ERBIN: variants seen among roughly 807,000 people sequenced by gnomAD.
ERBIN encodes densin-180-like protein.
ERBIN carries 60 observed loss-of-function variants against 158.4 expected under a neutral mutation model. That is an observed-to-expected ratio of 0.38 (90% CI 0.31 to 0.47). The LOEUF is 0.47. Ranked by LOEUF, ERBIN falls within the 20% of genes least tolerant of loss-of-function variation. The pLI is 0.99. For synonymous variants in ERBIN, 594 were observed against 557.2 expected, an observed-to-expected ratio of 1.07 and a Z score of -0.93; for missense variants, 1,610 against 1,648.0, an observed-to-expected ratio of 0.98 and a Z score of 0.40.
chr5:66,014,932 A>T (rs1754557631), intron 7 of ERBIN, among the ~76,000 whole-genome samples: 1 of 152,164 alleles, frequency 6.6e-6, no homozygotes, highest in Non-Finnish European at 1.5e-5. Flanking sequence ...GTTGGTAATG[A>T]TTTATAGCTG....
chr5:66,044,395 A>G, intron 17 of ERBIN, 85 bp downstream of exon 17: 1 of 1,233,706 alleles, frequency 8.1e-7, no homozygotes, highest in South Asian at 1.5e-5. Flanking sequence ...CTTTTCATGT[A>G]CTCTGAATGT....
chr5:65,934,314 C>A (rs1290521484), intron 1 of ERBIN, among the ~76,000 whole-genome samples: 1 of 152,202 alleles, frequency 6.6e-6, no homozygotes, highest in African/African-American at 2.4e-5. Flanking sequence ...AACATCTGAA[C>A]CTCAATTATC....
intron 4 of ERBIN, 134 bp downstream of exon 4, chr5:65,994,998 T>G (rs1752265125): frequency 1.6e-6 from 1 of 608,578 alleles, no homozygotes; most frequent in South Asian, 2.1e-5. Flanking sequence ...CATCTAAGAA[T>G]GTTTTATGTA....
chr5:66,040,542 A>G (rs1757822369), intron 15 of ERBIN, among the ~76,000 whole-genome samples: 1 of 152,046 alleles, frequency 6.6e-6, no homozygotes, highest in African/African-American at 2.4e-5. Context: ...ATTCTGGGTC[A>G]TCTTAGAGTT....
chr5:66,051,441 A>G (rs923264412), intron 20 of ERBIN, among the ~76,000 whole-genome samples: 5 of 152,218 alleles, frequency 3.3e-5, no homozygotes, highest in Non-Finnish European at 7.3e-5. Flanking sequence ...GCTGAAGTCT[A>G]AAACACATTT....
chr5:66,067,095 G>GT (rs898426398), intron 21 of ERBIN, among the ~76,000 whole-genome samples: 45 of 151,410 alleles, frequency 3.0e-4, no homozygotes, highest in East Asian at 9.7e-4. Flanking sequence ...TGATTTCTTT[G>GT]TTTTTTTTTA....
chr5:66,061,543 A>G (rs980027824), intron 21 of ERBIN, among the ~76,000 whole-genome samples: 73 of 152,160 alleles, frequency 4.8e-4, no homozygotes, highest in African/African-American at 1.7e-3. Flanking sequence ...GCCCATTTAC[A>G]TTTAAGGTTA....
intron 7 of ERBIN, among the ~76,000 whole-genome samples, chr5:66,018,327 T>C (rs1369600329): frequency 7.0e-6 from 1 of 143,642 alleles, no homozygotes; most frequent in Non-Finnish European, 1.5e-5. Context: ...TTTTGTGTCC[T>C]CTTTAATTTC....
At chr5:66,009,433 TG>T (rs1366469307) in intron 4 of ERBIN, among the ~76,000 whole-genome samples, 23 of 152,238 alleles carry the variant, frequency 1.5e-4, no homozygotes, top group Admixed American at 1.5e-3. Context: ...TACAATGTGC[TG>T]AATAGTAACA....
chr5:65,983,037 T>G (rs1049935956), intron 1 of ERBIN, among the ~76,000 whole-genome samples: 1 of 152,216 alleles, frequency 6.6e-6, no homozygotes, highest in Non-Finnish European at 1.5e-5. Flanking sequence ...ATGTAAATTG[T>G]ATCTAAAAAT....
chr5:66,064,312 A>G (rs1580519727), intron 21 of ERBIN, among the ~76,000 whole-genome samples: 1 of 152,246 alleles, frequency 6.6e-6, no homozygotes. Context: ...AGAACATTTG[A>G]TAATAAAGTA....
At chr5:65,966,842 G>A (rs1212953224) in intron 1 of ERBIN, among the ~76,000 whole-genome samples, 1 of 152,090 alleles carries the variant, frequency 6.6e-6, no homozygotes, top group Non-Finnish European at 1.5e-5. Context: ...ATATGGAGGT[G>A]GAAGACGGAT....
At chr5:65,932,048 C>T (rs929971872) in intron 1 of ERBIN, among the ~76,000 whole-genome samples, 4 of 152,078 alleles carry the variant, frequency 2.6e-5, no homozygotes, top group Non-Finnish European at 5.9e-5. Flanking sequence ...GAACTCCTGA[C>T]CTCAGGTGAT....
At chr5:65,977,139 C>CG (rs1422756833) in intron 1 of ERBIN, among the ~76,000 whole-genome samples, 4 of 141,638 alleles carry the variant, frequency 2.8e-5, no homozygotes, top group Admixed American at 7.0e-5. Context: ...GCTGGCCGGG[C>CG]GGGGGGCTGA....
At chr5:66,003,679 A>T (rs1561359216) in intron 4 of ERBIN, among the ~76,000 whole-genome samples, 1 of 152,082 alleles carries the variant, frequency 6.6e-6, no homozygotes, top group African/African-American at 2.4e-5. Flanking sequence ...TGTGATATTG[A>T]TGTTCTGTGA....
At chr5:65,987,750 C>T (rs1478354439) in intron 1 of ERBIN, among the ~76,000 whole-genome samples, 1 of 150,834 alleles carries the variant, frequency 6.6e-6, no homozygotes, top group Non-Finnish European at 1.5e-5. Context: ...CAGGCTGAGG[C>T]AGGAGAATCG....
rs1755665826 is a variant in ERBIN at position 66,021,377 on chromosome 5, A to G, written c.589A>G (p.Thr197Ala). The G allele has an allele frequency of 1.2e-6, 2 of 1,600,650 alleles. No individual in the cohort carries two copies. The highest frequency in any genetic ancestry group is 1.7e-6 in the Non-Finnish European group (2 of 1,170,488). ...ERLDLGSNEF[T>A]EVPEVLEQLS... is the part of the protein sequence containing the mutation. The stretch of plus-strand genomic sequence containing the variant: ...ACTGGATTTGGGAAGTAACGAATTC[A>G]CGGAAGTGGTAAGTTCTCATCAGTC... Residue 197 changes from threonine to alanine, a missense_variant, in exon 8 of 26, where the codon ACG becomes GCG. Thr to Ala is a moderately conservative substitution (Grantham distance 58). This residue lies in a region of ERBIN where 596 missense variants were observed against 711.9 expected (regional missense o/e 0.84). Transcript: ENST00000284037.
At position 66,054,090 on chromosome 5, in the gene ERBIN, G is replaced by C; in HGVS notation, c.2772G>C (p.Leu924Phe). The change falls in exon 21 of 26, where the codon TTG becomes TTC. Residue 924 changes from leucine (L) to phenylalanine (F), a missense_variant. Physicochemically the swap from Leu to Phe is conservative, Grantham distance 22 (BLOSUM62 0). Coordinates refer to ENST00000284037, the MANE Select transcript of ERBIN (RefSeq NM_001253697.2). Reference protein sequence around the residue: ...KSATLLYDQPLQVFTGSSSSS... With the variant: ...KSATLLYDQPFQVFTGSSSSS... Reference sequence around the variant, plus strand: ...CCACACTGTTGTATGATCAACCATTGCAGGTATTTACTGGTTCTTCCTCAT... The same window carrying C: ...CCACACTGTTGTATGATCAACCATTCCAGGTATTTACTGGTTCTTCCTCAT... The C allele has an allele frequency of 6.2e-7, 1 of 1,614,158 alleles. No homozygotes were observed. Among genetic ancestry groups the C allele is most frequent in the Non-Finnish European group, 8.5e-7 (1 of 1,180,030 alleles).
At chr5:66,060,033 C>T (rs1760090177) in intron 21 of ERBIN, among the ~76,000 whole-genome samples, 1 of 152,162 alleles carries the variant, frequency 6.6e-6, no homozygotes, top group Non-Finnish European at 1.5e-5. Context: ...GCTTTCGTAT[C>T]AGGATGATGC....
Sources: allele counts gnomAD v4.1 joint callset (sites outside exome capture counted in the v4.1 genomes callset), GRCh38; gene constraint gnomAD v4.1.1; regional missense constraint gnomAD v4.1.1; transcripts MANE v1.5; gene names NCBI Gene and HGNC (gene_info 2026-07-23, HGNC 2026-07-21).